The following LARP4B variants were observed in gnomAD, a reference collection of about 807,000 sequenced individuals.
LARP4B encodes the protein La ribonucleoprotein 4B.
Under a neutral mutation model 89.8 loss-of-function variants are expected in LARP4B, and 12 were observed. That is an observed-to-expected ratio of 0.13 (90% CI 0.09 to 0.22). The LOEUF is 0.22. Among genes scored for constraint, LARP4B ranks in the 10% least tolerant of loss-of-function variants. LARP4B has a pLI of 1.00. For missense variants in LARP4B, 757 were observed against 947.7 expected (o/e 0.80, Z 2.64); for synonymous variants, 367 against 363.3 (o/e 1.01, Z -0.12).
At chr10:945,895 A>T in the LARP4B span, among the ~76,000 whole-genome samples, 1 of 152,292 alleles carries the variant, frequency 6.6e-6, no homozygotes, top group East Asian at 1.9e-4. Flanking sequence ...GCCCTCTGTC[A>T]TGGGAAGACA....
rs1832139555 is a variant in LARP4B at position 817,760 on chromosome 10, G to T, written c.1660C>A (p.Leu554Ile). The T allele has an allele frequency of 6.2e-7, 1 of 1,614,142 alleles. No individual in the cohort carries two copies. The highest frequency in any genetic ancestry group is 8.5e-7 in the Non-Finnish European group (1 of 1,179,998). ...LKTEDLFENRLSSLIIGPSKE... is the reference protein window; with the variant it reads ...LKTEDLFENRISSLIIGPSKE... ...GATGGTCCTATTATCAAGCTAGATAGCCTGTTTTCAAACAAGTCCTCTGTC... is the reference window on the plus strand; with the variant it reads ...GATGGTCCTATTATCAAGCTAGATATCCTGTTTTCAAACAAGTCCTCTGTC... The change falls in exon 15 of 18, where the codon CTA becomes ATA. Residue 554 changes from leucine (L) to isoleucine (I), a missense_variant. By Grantham distance (5) the Leu-to-Ile change is conservative. Transcript: ENST00000316157.
rs1166687254 is a variant in LARP4B, at chr10:822,185, G to A, written c.1485-1340C>T. On this transcript the variant is annotated intron_variant, in intron 13 of 17. Transcript: ENST00000316157. This position sits in a 1 kb window ranked among gnomAD's most constrained non-coding sequence, Gnocchi z 4.6. ...TACAATGACCCATGAGCAGAGCTAG[G>A]GATGCAACCAGATGAGAGTCTTCAG... Among the ~76,000 whole-genome samples the A allele has an allele frequency of 6.6e-6, 1 of 152,258 alleles. No homozygotes were observed. Among genetic ancestry groups the A allele is most frequent in the Non-Finnish European group, 1.5e-5 (1 of 68,044 alleles).
At position 822,639 on chromosome 10, in the gene LARP4B, C is replaced by T. The variant is rs1271930914; in HGVS notation, c.1485-1794G>A. 1.3e-5 allele frequency among the ~76,000 whole-genome samples: 2 copies of T among 152,220 alleles called. No homozygotes were observed. Among genetic ancestry groups the T allele is most frequent in the African/African-American group, 4.8e-5 (2 of 41,462 alleles). ...GCTGAGCCAAGGCTCAGTGACAGGG[C>T]CATGGTGGGTTACAGCTCACAAGGG... On this transcript the variant is annotated intron_variant, in intron 13 of 17. Transcript: ENST00000316157. This position sits in a 1 kb window ranked among gnomAD's most constrained non-coding sequence, Gnocchi z 4.6.
chr10:949,097 A>G, the LARP4B span, among the ~76,000 whole-genome samples: 1 of 151,972 alleles, frequency 6.6e-6, no homozygotes, highest in African/African-American at 2.4e-5. Context: ...AGGTGGCTGT[A>G]CCATCTTACA....
chr10:986,518 A>C, the LARP4B span: 1 of 152,276 alleles, frequency 6.6e-6, no homozygotes, highest in African/African-American at 2.4e-5. Context: ...CCACAAAATC[A>C]CAAGAACAGG....
the LARP4B span, among the ~76,000 whole-genome samples, chr10:959,399 CCACCTCCCCATCAAT>C: frequency 2.8e-4 from 29 of 102,110 alleles, no homozygotes; most frequent in East Asian, 6.1e-4. Context: ...CCTCATCAAT[CCACCTCCCCATCAAT>C]CCACCTCCCC....
chr10:829,714 T>C lies in LARP4B; in HGVS notation c.882A>G (p.Glu294=). Residue 294 remains glutamate (E), a synonymous_variant, in exon 10 of 18, where the codon GAA becomes GAG. Transcript: ENST00000316157. ...GTTTTCCTTGAAAAGTTTTGACTTCTTCTCGAAGGTATTTGTAAGCCTAAG... is the reference window on the plus strand; with the variant it reads ...GTTTTCCTTGAAAAGTTTTGACTTCCTCTCGAAGGTATTTGTAAGCCTAAG... ...DAQQAYKYLR[E]EVKTFQGKPI... is the part of the protein sequence containing the mutation. The C allele has an allele frequency of 6.2e-7, 1 of 1,612,756 alleles. No homozygotes were observed. Among genetic ancestry groups the C allele is most frequent in the Non-Finnish European group, 8.5e-7 (1 of 1,179,018 alleles).
At chr10:908,074 C>T (rs1219259228) in intron 1 of LARP4B, among the ~76,000 whole-genome samples, 6 of 152,194 alleles carry the variant, frequency 3.9e-5, no homozygotes, top group Middle Eastern at 3.4e-3. Context: ...GGCCTGGTGG[C>T]GGGCACCTGT....
At chr10:834,958 C>G (rs191742333) in intron 8 of LARP4B, among the ~76,000 whole-genome samples, 1 of 150,476 alleles carries the variant, frequency 6.6e-6, no homozygotes, top group East Asian at 2.0e-4. Flanking sequence ...GAGAAGCACT[C>G]GAACCTGGGA....
At position 822,903 on chromosome 10, in the gene LARP4B, C is replaced by A. The variant is rs1832432046; in HGVS notation, c.1485-2058G>T. ...GCAAGGGTAGGGACATGTGTCTGGA[C>A]TCTGGTAAGGGGTTCTCCAGGACAT... On this transcript the variant is annotated intron_variant, in intron 13 of 17. Coordinates refer to ENST00000316157, the MANE Select transcript of LARP4B (RefSeq NM_015155.3). The surrounding 1 kb of genome is among the most constrained non-coding windows in gnomAD (Gnocchi z 4.6). 6.6e-6 allele frequency among the ~76,000 whole-genome samples: 1 copy of A among 152,216 alleles called. No homozygotes were observed. Among genetic ancestry groups the A allele is most frequent in the South Asian group, 2.1e-4 (1 of 4,834 alleles).
At chr10:871,764 G>A (rs1418524638) in intron 3 of LARP4B, among the ~76,000 whole-genome samples, 1 of 152,084 alleles carries the variant, frequency 6.6e-6, no homozygotes. Flanking sequence ...GGCCTCTTAG[G>A]ACTTAAATCA....
At chr10:843,941 A>G (rs1403973731) in intron 6 of LARP4B, among the ~76,000 whole-genome samples, 1 of 152,218 alleles carries the variant, frequency 6.6e-6, no homozygotes, top group African/African-American at 2.4e-5. Context: ...TTGGGCCATG[A>G]TGAGCTATTT....
chr10:978,210 G>A, the LARP4B span, among the ~76,000 whole-genome samples: 3 of 151,976 alleles, frequency 2.0e-5, no homozygotes, highest in African/African-American at 7.3e-5. Context: ...CATTTTATTT[G>A]TTCTTTTACT....
In LARP4B at chr10:839,732, A is replaced by C. The variant is rs545324018; in HGVS notation, c.646+3200T>G. ...AAATGGTCCAACCACTTTGGAAAACAGGCAGGTGGTTTCACAGTTGCTCAC... is the reference window on the plus strand; with the variant it reads ...AAATGGTCCAACCACTTTGGAAAACCGGCAGGTGGTTTCACAGTTGCTCAC... On this transcript the variant is annotated intron_variant, in intron 7 of 17. Transcript: ENST00000316157. 2.4e-4 allele frequency among the ~76,000 whole-genome samples: 37 copies of C among 152,350 alleles called. No homozygotes were observed. In the South Asian group the frequency reaches 7.7e-3, roughly 32 times the overall value.
At position 816,444 on chromosome 10, in the gene LARP4B, A is replaced by G. The variant is rs185856683; in HGVS notation, c.1695+1281T>C. Among the ~76,000 whole-genome samples the G allele has an allele frequency of 1.4e-4, 21 of 152,320 alleles. No homozygotes were observed. The East Asian group carries it at 4.0e-3, about 29-fold the overall frequency. On this transcript the variant is annotated intron_variant, in intron 15 of 17. Coordinates refer to ENST00000316157, the MANE Select transcript of LARP4B (RefSeq NM_015155.3). ...CTCAAGAAGCTCCCAAGAAGCAGCA[A>G]TGGAGCCCACTACACCTGGGTGGTG...
chr10:928,335 CAT>C (rs112107844), intron 1 of LARP4B, among the ~76,000 whole-genome samples: 2 of 152,132 alleles, frequency 1.3e-5, no homozygotes, highest in African/African-American at 4.8e-5. Context: ...GAGGCCCTAA[CAT>C]AGACAACACG....
At chr10:844,872 G>GAT (rs1457946130) in intron 6 of LARP4B, 105 bp downstream of exon 6, 2 of 737,646 alleles carry the variant, frequency 2.7e-6, no homozygotes, top group African/African-American at 3.6e-5. Flanking sequence ...CATATATATG[G>GAT]ATATGAGTAG....
rs1834751473 is a variant in LARP4B at position 863,797 on chromosome 10, C to T, written c.376G>A (p.Ala126Thr). 1.2e-6 allele frequency: 2 copies of T among 1,614,084 alleles called. No individual in the cohort carries two copies. The highest frequency in any genetic ancestry group is 1.7e-4 in the Middle Eastern group (1 of 6,036). The change falls in exon 5 of 18, where the codon GCT becomes ACT. Residue 126 changes from alanine (A) to threonine (T), a missense_variant. Physicochemically the swap from Ala to Thr is moderately conservative, Grantham distance 58. This residue lies in a region of LARP4B where 175 missense variants were observed against 187.0 expected (regional missense o/e 0.94). Coordinates refer to ENST00000316157, the MANE Select transcript of LARP4B (RefSeq NM_015155.3). ...PQESDPADMN[A>T]LALGPSEYDS... Reference sequence around the variant, plus strand: ...TATTCTGAGGGACCCAGAGCGAGAGCGTTCATGTCTGCTGGGTCCGACTCC... The same window carrying T: ...TATTCTGAGGGACCCAGAGCGAGAGTGTTCATGTCTGCTGGGTCCGACTCC...
rs1834754424 is a variant in LARP4B at position 863,837 on chromosome 10, T to C, written c.336A>G (p.Ala112=). The C allele has an allele frequency of 6.2e-7, 1 of 1,614,088 alleles. No individual in the cohort carries two copies. Among genetic ancestry groups the C allele is most frequent in the Non-Finnish European group, 8.5e-7 (1 of 1,180,014 alleles). Residue 112 remains alanine, a synonymous_variant, in exon 5 of 18, where the codon GCA becomes GCG. Transcript: ENST00000316157. ...GGTCCGACTCCTGCGGGTCTGGCAA[T>C]GCGGCATTCTCATGGCCCTGGTCAC... The part of the protein sequence containing the change: ...GDGDQGHENA[A]LPDPQESDPA...
Sources: gnomAD v4.1 joint callset for allele counts (sites outside exome capture counted in the v4.1 genomes callset) on GRCh38, gnomAD v4.1.1 for gene constraint, gnomAD v4.1.1 regional missense constraint, Gnocchi (gnomAD v3.1) non-coding constraint, MANE v1.5 for transcripts, NCBI Gene and HGNC (gene_info 2026-07-23, HGNC 2026-07-21) for gene names.